BANP: variants seen among roughly 807,000 people sequenced by gnomAD.
The protein encoded by BANP is protein BANP.
Under a neutral mutation model 68.1 loss-of-function variants are expected in BANP, and 11 were observed. The observed-to-expected ratio is 0.16, with a 90% CI of 0.10 to 0.27. The LOEUF (loss-of-function observed/expected upper bound fraction) is 0.27, where lower values mean the gene tolerates loss of function less well. Among genes scored for constraint, BANP ranks in the 10% least tolerant of loss-of-function variants. The pLI, the probability that BANP is intolerant of heterozygous loss-of-function variation, is 1.00. For synonymous variants in BANP, 329 were observed against 303.2 expected, an observed-to-expected ratio of 1.09 and a Z score of -0.88; for missense variants, 504 against 722.7, an observed-to-expected ratio of 0.70 and a Z score of 3.47.
chr16:88,062,196 G>T (rs1599020594), intron 11 of BANP, among the ~76,000 whole-genome samples: 1 of 152,264 alleles, frequency 6.6e-6, no homozygotes, highest in South Asian at 2.1e-4. Context: ...GGCATGGGGG[G>T]TGGGGTTCTT....
Position 88,004,404 on chromosome 16 carries a change from A to G in BANP, c.472A>G (p.Ile158Val). ...GGCACCGGATTCCCTGGAAAATGTC[A>G]TTAGCAAGTCAGTAGCACGGCACCA... ...NRAPDSLENV[I>V]SNAVPGRRQN... Residue 158 changes from isoleucine to valine, a missense_variant, in exon 5 of 14, where the codon ATT (isoleucine) becomes GTT (valine). Physicochemically the swap from Ile to Val is conservative, Grantham distance 29. Around this residue, in one of 3 missense-constraint regions of BANP, gnomAD observed 238 missense variants for 278.9 expected, o/e 0.85. Coordinates refer to ENST00000682872, the MANE Select transcript of BANP (RefSeq NM_001386991.1). The surrounding 1 kb of genome is among the most constrained non-coding windows in gnomAD (Gnocchi z 7.0). 3 of 1,522,232 alleles carry G rather than the reference A, an allele frequency of 2.0e-6. No homozygotes were observed. Among genetic ancestry groups the G allele is most frequent in the East Asian group, 2.5e-5 (1 of 40,760 alleles). The allele number at this position is 1,522,232 out of a possible 1,614,324, so 94.3% of individuals were successfully genotyped here.
chr16:87,950,857 T>G (rs944683428), upstream of BANP: 1 of 152,262 alleles, frequency 6.6e-6, no homozygotes. Context: ...TGGGGACCCC[T>G]GACCACTTAT....
At chr16:87,991,362 A>T (rs2065866958) in intron 4 of BANP, among the ~76,000 whole-genome samples, 1 of 152,254 alleles carries the variant, frequency 6.6e-6, no homozygotes, top group African/African-American at 2.4e-5. Flanking sequence ...CAAACTAATG[A>T]GAAACATAAA....
rs57549367 is a variant in BANP, at chr16:88,054,257, TCAC to T, written c.1312-10996_1312-10994del. On this transcript the variant is annotated intron_variant, in intron 11 of 13. Coordinates refer to ENST00000682872, the MANE Select transcript of BANP (RefSeq NM_001386991.1). ...ATCACCATCACCAACACAGTCACCTTCACCACCACCACCACCTCTACCACTGTC... is the reference window on the plus strand; with the variant it reads ...ATCACCATCACCAACACAGTCACCTTCACCACCACCACCTCTACCACTGTC... Among the ~76,000 whole-genome samples, 10 of 67,780 alleles carry T rather than the reference TCAC, an allele frequency of 1.5e-4. No homozygotes were observed. In the East Asian group the frequency reaches 1.7e-3, roughly 12 times the overall value. The allele number at this position is 67,780 out of a possible 152,430, so 44.5% of individuals were successfully genotyped here.
At chr16:87,984,341 T>C in intron 4 of BANP, 82 bp downstream of exon 4, 2 of 1,335,528 alleles carry the variant, frequency 1.5e-6, no homozygotes, top group Non-Finnish European at 1.0e-6. Context: ...CGCAGCTTAG[T>C]GGCTCAGTTT....
At chr16:87,989,429 A>G (rs12932834) in intron 4 of BANP, among the ~76,000 whole-genome samples, 52,161 of 152,206 alleles carry the variant, frequency 0.34, 10,191 homozygotes, top group Non-Finnish European at 0.46. Context: ...GGGCACGCAC[A>G]TGCTCACGTT....
At chr16:87,979,371 G>T (rs1307692212) in intron 2 of BANP, among the ~76,000 whole-genome samples, 2 of 152,200 alleles carry the variant, frequency 1.3e-5, no homozygotes, top group African/African-American at 4.8e-5. Flanking sequence ...TGCTGGGAGG[G>T]TGGTCTGCTG....
chr16:88,038,488 T>G (rs1277182984), intron 11 of BANP, among the ~76,000 whole-genome samples: 2 of 35,572 alleles, frequency 5.6e-5, no homozygotes, highest in Non-Finnish European at 1.1e-4. Context: ...CCCCACCCCC[T>G]TCAGATGGTT....
intron 1 of BANP, among the ~76,000 whole-genome samples, chr16:87,964,553 G>T (rs1483129754): frequency 6.6e-6 from 1 of 152,178 alleles, no homozygotes. Flanking sequence ...AGCGTGGCGG[G>T]GAGGAGAGCC....
intron 11 of BANP, among the ~76,000 whole-genome samples, chr16:88,060,331 A>G (rs1458588966): frequency 6.6e-6 from 1 of 152,080 alleles, no homozygotes; most frequent in African/African-American, 2.4e-5. Context: ...CTCCACTTGG[A>G]TGGTCAGTGT....
At chr16:88,013,571 G>A (rs534335962) in intron 6 of BANP, among the ~76,000 whole-genome samples, 7 of 151,820 alleles carry the variant, frequency 4.6e-5, no homozygotes, top group African/African-American at 1.4e-4. Context: ...TGACGTGGGC[G>A]TGCCCCATGC....
chr16:88,001,990 T>G (rs1193580091), intron 4 of BANP, among the ~76,000 whole-genome samples: 1 of 152,150 alleles, frequency 6.6e-6, no homozygotes, highest in African/African-American at 2.4e-5. Context: ...ACTACAATGG[T>G]TGAACAGAAG....
intron 7 of BANP, among the ~76,000 whole-genome samples, chr16:88,020,464 G>A (rs2075801948): frequency 6.6e-6 from 1 of 151,976 alleles, no homozygotes; most frequent in African/African-American, 2.4e-5. Flanking sequence ...TGTGGAGTGC[G>A]TTGAGATATA....
chr16:88,045,113 A>C (rs1343960599), intron 11 of BANP, among the ~76,000 whole-genome samples: 1 of 152,154 alleles, frequency 6.6e-6, no homozygotes, highest in Admixed American at 6.5e-5. Flanking sequence ...CAATCTAAGA[A>C]AAATGATTAT....
At chr16:87,973,451 T>G (rs1448095293) in intron 1 of BANP, among the ~76,000 whole-genome samples, 1 of 152,182 alleles carries the variant, frequency 6.6e-6, no homozygotes, top group Admixed American at 6.5e-5. Context: ...TTCCACAAAT[T>G]GTTATCCCCA....
At chr16:87,969,740 G>C (rs2060773046) in intron 1 of BANP, among the ~76,000 whole-genome samples, 1 of 151,766 alleles carries the variant, frequency 6.6e-6, no homozygotes, top group South Asian at 2.1e-4. Context: ...CACCATGTTG[G>C]CTAGGCTGGT....
At chr16:87,949,310 T>G (rs982313318), upstream of BANP, 2 of 152,204 alleles carry the variant, frequency 1.3e-5, no homozygotes, top group African/African-American at 4.8e-5. Context: ...AAGCCAGATA[T>G]TCCGGCGTGG....
chr16:88,065,135 A>C, intron 11 of BANP, 132 bp from the exon 12 acceptor site: 1 of 531,088 alleles, frequency 1.9e-6, no homozygotes, highest in Non-Finnish European at 3.3e-6. Context: ...TGGCTGCCAT[A>C]ACAAACGACC....
At position 88,057,768 on chromosome 16, in the gene BANP, C is replaced by T. The variant is rs1003992645; in HGVS notation, c.1312-7499C>T. ...TCTGGGTGGGGCGGGGGGGGGGGTG[C>T]GTGCAGTGACTCGCGCTGGCCCTGT... On this transcript the variant is annotated intron_variant, in intron 11 of 13. Coordinates refer to ENST00000682872, the MANE Select transcript of BANP (RefSeq NM_001386991.1). The surrounding 1 kb of genome is among the most constrained non-coding windows in gnomAD (Gnocchi z 4.6). Among the ~76,000 whole-genome samples, 19 of 147,234 alleles carry T rather than the reference C, an allele frequency of 1.3e-4. No individual in the cohort carries two copies. Among genetic ancestry groups the T allele is most frequent in the East Asian group, 6.0e-4 (3 of 4,970 alleles).
Sources: allele counts gnomAD v4.1 joint callset (sites outside exome capture counted in the v4.1 genomes callset), GRCh38; gene constraint gnomAD v4.1.1; regional missense constraint gnomAD v4.1.1; non-coding constraint Gnocchi (gnomAD v3.1); transcripts MANE v1.5; gene names NCBI Gene and HGNC (gene_info 2026-07-23, HGNC 2026-07-21).